MAST4: variants seen among roughly 807,000 people sequenced by gnomAD.
MAST4 encodes the protein microtubule-associated serine/threonine-protein kinase 4.
Under a neutral mutation model 162.7 loss-of-function variants are expected in MAST4, and 89 were observed. The observed-to-expected ratio is 0.55, with a 90% CI of 0.46 to 0.65. The LOEUF (loss-of-function observed/expected upper bound fraction) is 0.65. Ranked by LOEUF, MAST4 falls within the 30% of genes least tolerant of loss-of-function variation. The pLI, the probability that MAST4 is intolerant of heterozygous loss-of-function variation, is 0.00. For missense variants in MAST4, 3,153 were observed against 3,374.0 expected (o/e 0.93, Z 1.62); for synonymous variants, 1,479 against 1,361.1 (o/e 1.09, Z -1.91).
chr5:67,042,148 C>T (rs1347694000), intron 4 of MAST4, among the ~76,000 whole-genome samples: 1 of 152,208 alleles, frequency 6.6e-6, no homozygotes, highest in African/African-American at 2.4e-5. Flanking sequence ...CCATATGTCT[C>T]ATGCAGATTT....
chr5:66,695,965 A>G (rs1561268484), intron 1 of MAST4, among the ~76,000 whole-genome samples: 1 of 152,228 alleles, frequency 6.6e-6, no homozygotes, highest in African/African-American at 2.4e-5. Context: ...ATGCCCATCA[A>G]TGATAGACTG....
rs151170941 is a variant in MAST4, at chr5:66,659,404, A to G, written c.363+62386A>G. Among the ~76,000 whole-genome samples, 212 of 152,316 alleles carry G rather than the reference A, an allele frequency of 1.4e-3. 5 individuals carry two copies. In the East Asian group the frequency reaches 0.034, roughly 25 times the overall value. On this transcript the variant is annotated intron_variant, in intron 1 of 28. Transcript: ENST00000403625. ...TCACGTTGCCATATGTATCCATCTC[A>G]TTTGGATGCTGTAGGCAATGAGACA...
At position 66,936,158 on chromosome 5, in the gene MAST4, C is replaced by T. The variant is rs1000402522; in HGVS notation, c.674+36176C>T. On this transcript the variant is annotated intron_variant, in intron 4 of 28. Transcript: ENST00000403625. ...TCTTTGTGTTATTCTGGTTTCAAAA[C>T]GAGAAAGTGTGAATTTGCGTTGGGC... 5.3e-5 allele frequency among the ~76,000 whole-genome samples: 8 copies of T among 152,136 alleles called. No individual in the cohort carries two copies. The South Asian group carries it at 6.2e-4, about 12-fold the overall frequency.
chr5:66,985,817 A>G (rs959590657), intron 4 of MAST4, among the ~76,000 whole-genome samples: 3 of 152,142 alleles, frequency 2.0e-5, no homozygotes, highest in Non-Finnish European at 2.9e-5. Flanking sequence ...TAAAATGGCA[A>G]TGTATTTAGC....
At chr5:66,801,553 C>T (rs369226317) in intron 3 of MAST4, among the ~76,000 whole-genome samples, 3 of 152,204 alleles carry the variant, frequency 2.0e-5, no homozygotes, top group Non-Finnish European at 2.9e-5. Context: ...GCTCATACCC[C>T]GATTTTTAGA....
intron 4 of MAST4, among the ~76,000 whole-genome samples, chr5:67,035,264 G>A (rs1055592625): frequency 6.6e-6 from 1 of 152,046 alleles, no homozygotes; most frequent in African/African-American, 2.4e-5. Flanking sequence ...TTTAAGGGGT[G>A]CAAACAATTC....
At chr5:66,850,462 C>G (rs1434303949) in intron 3 of MAST4, among the ~76,000 whole-genome samples, 1 of 152,116 alleles carries the variant, frequency 6.6e-6, no homozygotes, top group African/African-American at 2.4e-5. Context: ...TAGAGCATCT[C>G]TTATCTGAAA....
At chr5:67,100,987 C>T (rs1455479475) in intron 8 of MAST4, among the ~76,000 whole-genome samples, 1 of 152,192 alleles carries the variant, frequency 6.6e-6, no homozygotes, top group Non-Finnish European at 1.5e-5. Context: ...TACAAAATAT[C>T]TTTGTTCTTT....
intron 7 of MAST4, among the ~76,000 whole-genome samples, chr5:67,096,083 T>C (rs1764435717): frequency 6.6e-6 from 1 of 152,248 alleles, no homozygotes; most frequent in Non-Finnish European, 1.5e-5. Context: ...GTTTGTTTTG[T>C]TTTGTTTTCT....
intron 19 of MAST4, among the ~76,000 whole-genome samples, chr5:67,140,812 T>A (rs906712720): frequency 6.6e-6 from 1 of 152,268 alleles, no homozygotes; most frequent in Non-Finnish European, 1.5e-5. Context: ...TAGCTGCTCA[T>A]GCTTACAGTC....
intron 4 of MAST4, chr5:66,917,161 G>A: frequency 1.8e-6 from 1 of 547,652 alleles, no homozygotes; most frequent in Non-Finnish European, 3.3e-6. Context: ...TATTACCCCT[G>A]GTCATTACTT....
chr5:66,859,261 G>A (rs1391896987), intron 3 of MAST4, among the ~76,000 whole-genome samples: 2 of 152,022 alleles, frequency 1.3e-5, no homozygotes, highest in Non-Finnish European at 2.9e-5. Flanking sequence ...CTTCCTTTCT[G>A]TGATCTGTTA....
intron 4 of MAST4, among the ~76,000 whole-genome samples, chr5:66,991,542 A>G (rs1181226317): frequency 1.3e-5 from 2 of 152,294 alleles, no homozygotes; most frequent in East Asian, 3.9e-4. Flanking sequence ...GTAAAGCTGA[A>G]AGTAACAGAC....
chr5:66,646,497 G>A (rs1392731714), intron 1 of MAST4, among the ~76,000 whole-genome samples: 1 of 152,076 alleles, frequency 6.6e-6, no homozygotes, highest in African/African-American at 2.4e-5. Flanking sequence ...TGTCATTTCG[G>A]TTTATGTAGT....
intron 4 of MAST4, chr5:67,005,083 A>G (rs769012217): frequency 7.9e-6 from 6 of 760,454 alleles, no homozygotes; most frequent in South Asian, 1.4e-5. Flanking sequence ...GGCGAACACA[A>G]AGGTAAAAAC....
intron 3 of MAST4, among the ~76,000 whole-genome samples, chr5:66,861,929 T>C (rs952838288): frequency 1.3e-5 from 2 of 152,208 alleles, no homozygotes; most frequent in East Asian, 3.8e-4. Context: ...ATGTGGGCTC[T>C]TCATCTGTTT....
chr5:66,719,545 CTTTTT>C (rs1296486012), intron 1 of MAST4, among the ~76,000 whole-genome samples: 1 of 151,962 alleles, frequency 6.6e-6, no homozygotes, highest in Admixed American at 6.6e-5. Flanking sequence ...TTTTCTTTTT[CTTTTT>C]TTCAATTTAT....
chr5:66,959,723 C>T (rs1278123028), intron 4 of MAST4, among the ~76,000 whole-genome samples: 1 of 152,188 alleles, frequency 6.6e-6, no homozygotes, highest in East Asian at 1.9e-4. Flanking sequence ...TTATTTGTGA[C>T]GTTCATTAGA....
At chr5:66,961,259 C>A (rs1745972869) in intron 4 of MAST4, among the ~76,000 whole-genome samples, 1 of 152,182 alleles carries the variant, frequency 6.6e-6, no homozygotes. Flanking sequence ...CTATTAAAAG[C>A]AGATTTAATG....
Sources: allele counts gnomAD v4.1 joint callset (sites outside exome capture counted in the v4.1 genomes callset), GRCh38; gene constraint gnomAD v4.1.1; transcripts MANE v1.5; gene names NCBI Gene and HGNC (gene_info 2026-07-23, HGNC 2026-07-21).